PDE11A: variants seen among roughly 807,000 people sequenced by gnomAD.
PDE11A encodes dual 3',5'-cyclic-AMP and -GMP phosphodiesterase 11A.
A neutral mutation model predicts 100.5 loss-of-function variants in PDE11A; 100 were observed. The observed-to-expected ratio is 1.00, with a 90% CI of 0.85 to 1.18. PDE11A has a LOEUF of 1.18. PDE11A is among the 50% of genes most tolerant of loss of function. PDE11A has a pLI of 0.00. For synonymous variants in PDE11A, 381 were observed against 420.8 expected (o/e 0.91, Z 1.16); for missense variants, 1,141 against 1,152.6 (o/e 0.99, Z 0.15).
chr2:177,819,241 G>T (rs1230732154), intron 7 of PDE11A, among the ~76,000 whole-genome samples: 1 of 151,972 alleles, frequency 6.6e-6, no homozygotes, highest in East Asian at 1.9e-4. Context: ...ATATTCTTAT[G>T]CAGACTAAGC....
intron 15 of PDE11A, among the ~76,000 whole-genome samples, chr2:177,693,136 T>C (rs1205318374): frequency 4.6e-5 from 7 of 152,182 alleles, no homozygotes; most frequent in African/African-American, 1.7e-4. Context: ...GGGAGCCTAA[T>C]ATCCTCTTGG....
At chr2:177,798,761 C>T (rs1017773645) in intron 9 of PDE11A, among the ~76,000 whole-genome samples, 4 of 152,052 alleles carry the variant, frequency 2.6e-5, no homozygotes, top group African/African-American at 4.8e-5. Context: ...AACACATAAA[C>T]AGAGAGAAGA....
intron 10 of PDE11A, among the ~76,000 whole-genome samples, chr2:177,738,996 A>G (rs2081834363): frequency 6.6e-6 from 1 of 152,210 alleles, no homozygotes; most frequent in East Asian, 1.9e-4. Flanking sequence ...GCAGTTTAAA[A>G]TGTCAAGTTT....
intron 4 of PDE11A, chr2:177,888,539 A>G (rs908010270): frequency 6.1e-6 from 1 of 163,314 alleles, no homozygotes; most frequent in African/African-American, 2.4e-5. Context: ...AGATTTTTAT[A>G]ACAAAACCCT....
chr2:177,861,472 A>C (rs1056806959), intron 5 of PDE11A, among the ~76,000 whole-genome samples: 10 of 151,842 alleles, frequency 6.6e-5, no homozygotes, highest in Admixed American at 4.6e-4. Flanking sequence ...GTTGGAATAT[A>C]ATCTTGTTAA....
intron 9 of PDE11A, among the ~76,000 whole-genome samples, chr2:177,810,035 A>G (rs907594078): frequency 9.9e-5 from 15 of 152,244 alleles, no homozygotes; most frequent in Admixed American, 2.0e-4. Context: ...GATATATCCC[A>G]TGGAAGATGG....
upstream of PDE11A, among the ~76,000 whole-genome samples, chr2:178,073,323 A>G (rs893340684): frequency 3.3e-5 from 5 of 152,194 alleles, no homozygotes; most frequent in Admixed American, 6.5e-5. Context: ...CATTTCCCCG[A>G]AAATAGCAAA....
At chr2:177,783,551 C>T (rs1331479808) in intron 9 of PDE11A, among the ~76,000 whole-genome samples, 1 of 152,176 alleles carries the variant, frequency 6.6e-6, no homozygotes, top group Admixed American at 6.5e-5. Context: ...TGAGGCCCTG[C>T]AAGCTAAAGC....
At chr2:177,641,809 A>T (rs918689177) in intron 19 of PDE11A, among the ~76,000 whole-genome samples, 5 of 152,176 alleles carry the variant, frequency 3.3e-5, no homozygotes, top group Non-Finnish European at 7.4e-5. Context: ...TTTTTGTGTT[A>T]TTTGCAGAAG....
intron 1 of PDE11A, among the ~76,000 whole-genome samples, chr2:178,024,424 T>A (rs1409130123): frequency 6.6e-6 from 1 of 151,786 alleles, no homozygotes; most frequent in Non-Finnish European, 1.5e-5. Context: ...AAAATAAAAA[T>A]AAAAAATAAA....
chr2:177,753,501 G>A (rs566559167), intron 10 of PDE11A, among the ~76,000 whole-genome samples: 65 of 152,002 alleles, frequency 4.3e-4, no homozygotes, highest in Non-Finnish European at 7.1e-4. Flanking sequence ...ACCCTGACTA[G>A]TTCCTTCGTT....
intron 6 of PDE11A, among the ~76,000 whole-genome samples, chr2:177,832,152 A>G (rs1205747702): frequency 1.3e-5 from 2 of 152,150 alleles, no homozygotes; most frequent in African/African-American, 4.8e-5. Context: ...AAACCCTGAA[A>G]CTAGTGATCA....
chr2:177,946,032 G>C (rs1396954849), intron 2 of PDE11A, among the ~76,000 whole-genome samples: 2 of 140,790 alleles, frequency 1.4e-5, no homozygotes, highest in African/African-American at 2.7e-5. Flanking sequence ...CCGGCCAGCC[G>C]CCCCGTCCGG....
chr2:177,752,102 A>G (rs1444199719), intron 10 of PDE11A, among the ~76,000 whole-genome samples: 2 of 152,186 alleles, frequency 1.3e-5, no homozygotes, highest in East Asian at 3.8e-4. Flanking sequence ...CCAGCCTGAG[A>G]TCAGTGACCT....
chr2:178,105,679 A>C (rs2087609584), intron 1 of PDE11A: 1 of 816,678 alleles, frequency 1.2e-6, no homozygotes, highest in Admixed American at 3.2e-5. Flanking sequence ...GGATGGCATA[A>C]TGAAGGCCCT....
At chr2:177,921,007 A>C (rs1228626496) in intron 2 of PDE11A, among the ~76,000 whole-genome samples, 1 of 151,166 alleles carries the variant, frequency 6.6e-6, no homozygotes, top group Non-Finnish European at 1.5e-5. Context: ...GCTTGCAGTG[A>C]GCCAAGATCG....
Position 177,840,294 on chromosome 2 carries a change from A to G in PDE11A, c.1457T>C (p.Val486Ala). The G allele has an allele frequency of 6.2e-7, 1 of 1,614,122 alleles. No individual in the cohort carries two copies. The highest frequency in any genetic ancestry group is 8.5e-7 in the Non-Finnish European group (1 of 1,179,968). ...ATCCTGGTAGGCATCACTGATGTTC[A>G]CTGGAAGGCCTGTTGAAGCAACCAG... ...AELVASTGLP[V>A]NISDAYQDPR... Residue 486 changes from valine to alanine, a missense_variant, in exon 6 of 20, where the codon GTG (valine) becomes GCG (alanine). Transcript: ENST00000286063.
intron 12 of PDE11A, among the ~76,000 whole-genome samples, chr2:177,725,384 G>T (rs1425824675): frequency 1.3e-5 from 2 of 152,130 alleles, no homozygotes; most frequent in Admixed American, 1.3e-4. Flanking sequence ...TTAATGAGCA[G>T]AAAATACTAT....
chr2:177,855,009 C>T (rs1213419118), intron 5 of PDE11A, among the ~76,000 whole-genome samples: 2 of 152,032 alleles, frequency 1.3e-5, no homozygotes, highest in South Asian at 2.1e-4. Context: ...GACGACAGGT[C>T]GTGGTAGTGA....
Sources: gnomAD v4.1 joint callset for allele counts (sites outside exome capture counted in the v4.1 genomes callset) on GRCh38, gnomAD v4.1.1 for gene constraint, MANE v1.5 for transcripts, NCBI Gene and HGNC (gene_info 2026-07-23, HGNC 2026-07-21) for gene names.